Variants in ADCYAP1R1 observed in about 807,000 individuals in gnomAD.
The protein encoded by ADCYAP1R1 is pituitary adenylate cyclase-activating polypeptide type I receptor.
A neutral mutation model predicts 67.6 loss-of-function variants in ADCYAP1R1; 44 were observed. That is an observed-to-expected ratio of 0.65 (90% CI 0.51 to 0.84). ADCYAP1R1 has a LOEUF of 0.84. ADCYAP1R1 is among the 40% of genes least tolerant of loss of function. The pLI is 0.00. For synonymous variants in ADCYAP1R1, 222 were observed against 219.6 expected (o/e 1.01, Z -0.10); for missense variants, 477 against 587.9 (o/e 0.81, Z 1.95).
chr7:31,075,034 C>T (rs1795149303), intron 3 of ADCYAP1R1, among the ~76,000 whole-genome samples: 2 of 152,208 alleles, frequency 1.3e-5, no homozygotes, highest in African/African-American at 4.8e-5. Flanking sequence ...ACTCAAGCGT[C>T]ACAGACCCCA....
chr7:31,063,173 A>C, intron 1 of ADCYAP1R1, 21 bp from the exon 2 acceptor site: 1 of 1,524,950 alleles, frequency 6.6e-7, no homozygotes, highest in Non-Finnish European at 9.1e-7. Flanking sequence ...CACAGGATTC[A>C]CACCTTTCCT....
At chr7:31,073,908 A>G (rs765806672) in intron 3 of ADCYAP1R1, among the ~76,000 whole-genome samples, 1 of 152,118 alleles carries the variant, frequency 6.6e-6, no homozygotes, top group African/African-American at 2.4e-5. Context: ...AATTGTCTTT[A>G]GGACTCTAGA....
chr7:31,059,483 A>G (rs1386362319), intron 1 of ADCYAP1R1, among the ~76,000 whole-genome samples: 1 of 152,090 alleles, frequency 6.6e-6, no homozygotes, highest in African/African-American at 2.4e-5. Flanking sequence ...GGAGTGACCC[A>G]TTTTCCCATC....
intron 1 of ADCYAP1R1, among the ~76,000 whole-genome samples, chr7:31,056,271 C>T (rs1794237014): frequency 1.3e-5 from 2 of 152,114 alleles, no homozygotes; most frequent in African/African-American, 4.8e-5. Context: ...TTGAGTTGGC[C>T]TTGGAGGATG....
chr7:31,053,011 G>A (rs1353511834), intron 1 of ADCYAP1R1, among the ~76,000 whole-genome samples: 1 of 152,232 alleles, frequency 6.6e-6, no homozygotes, highest in Non-Finnish European at 1.5e-5. Context: ...ATGCGGAGAA[G>A]GGAGACCAGG....
intron 13 of ADCYAP1R1, chr7:31,095,739 A>G (rs1448161944): frequency 1.4e-6 from 1 of 717,634 alleles, no homozygotes. Context: ...ACCAGCATTC[A>G]CTCCCTTTCC....
At chr7:31,053,850 GC>G (rs1278902366) in intron 1 of ADCYAP1R1, among the ~76,000 whole-genome samples, 1 of 152,170 alleles carries the variant, frequency 6.6e-6, no homozygotes, top group East Asian at 1.9e-4. Flanking sequence ...TGGGACTGCA[GC>G]TGGCCAGAGG....
At chr7:31,084,391 A>T in intron 7 of ADCYAP1R1, 141 bp downstream of exon 7, 1 of 683,582 alleles carries the variant, frequency 1.5e-6, no homozygotes, top group Non-Finnish European at 2.6e-6. Flanking sequence ...GCACCTGGCT[A>T]CTCTTACAGG....
At chr7:31,067,354 C>T (rs144945236) in intron 3 of ADCYAP1R1, among the ~76,000 whole-genome samples, 1 of 152,020 alleles carries the variant, frequency 6.6e-6, no homozygotes, top group African/African-American at 2.4e-5. Flanking sequence ...GAGTAAAGGC[C>T]CAGTTGGACC....
chr7:31,087,004 G>A lies in ADCYAP1R1; in HGVS notation c.884+1G>A, dbSNP rs1286261082. 6.2e-7 allele frequency: 1 copy of A among 1,614,082 alleles called. No homozygotes were observed. The highest frequency in any genetic ancestry group is 8.5e-7 in the Non-Finnish European group (1 of 1,180,038). ...TGAGACTCTACTTTGATGACACAGG[G>A]TTAGTACATGCGCGAGAGTCAGGGC... On this transcript the variant is annotated splice_donor_variant, in intron 11 of 15. Transcript: ENST00000304166. LOFTEE classifies it high-confidence loss of function.
intron 13 of ADCYAP1R1, among the ~76,000 whole-genome samples, chr7:31,094,953 A>C (rs527651474): frequency 2.0e-5 from 3 of 152,244 alleles, no homozygotes; most frequent in Admixed American, 2.0e-4. Context: ...CATGATTAAA[A>C]ACTCAGATGG....
chr7:31,081,036 G>T (rs1360907650), intron 5 of ADCYAP1R1, among the ~76,000 whole-genome samples: 1 of 152,226 alleles, frequency 6.6e-6, no homozygotes, highest in Non-Finnish European at 1.5e-5. Context: ...GTGAGCAAGA[G>T]AACAGAAGAG....
chr7:31,055,094 G>A (rs547346800), intron 1 of ADCYAP1R1, among the ~76,000 whole-genome samples: 1 of 152,278 alleles, frequency 6.6e-6, no homozygotes, highest in Admixed American at 6.5e-5. Context: ...CACCCCCACA[G>A]TGACACACAG....
intron 13 of ADCYAP1R1, among the ~76,000 whole-genome samples, chr7:31,094,393 G>C (rs945323781): frequency 6.6e-6 from 1 of 152,014 alleles, no homozygotes; most frequent in African/African-American, 2.4e-5. Flanking sequence ...CACTGCCCTT[G>C]TGTCTGGCCT....
rs1017488979 is a variant in ADCYAP1R1, at chr7:31,084,961, C to T, written c.536+127C>T. On this transcript the variant is annotated intron_variant, in intron 8 of 15. Coordinates refer to ENST00000304166, the MANE Select transcript of ADCYAP1R1 (RefSeq NM_001118.5). ...CCCCTTTGAAGGCATTTCTCCCACC[C>T]CAAGGATAACAGATGGGAAACTTCA... The T allele has an allele frequency of 5.4e-6, 5 of 922,662 alleles. No homozygotes were observed. The African/African-American group carries it at 8.1e-5, about 15-fold the overall frequency. 57.2% of individuals were successfully genotyped at this position (922,662 alleles called of 1,614,324 possible).
rs138233303 is a variant in ADCYAP1R1 at position 31,084,761 on chromosome 7, G to T, written c.463G>T (p.Ala155Ser). The part of the protein sequence containing the change: ...DQDYYYLSVK[A>S]LYTVGYSTSL... ...GGATTATTACTACCTGTCAGTGAAG[G>T]CCCTCTACACGGTTGGCTACAGCAC... Residue 155 changes from alanine (A) to serine (S), a missense_variant, in exon 8 of 16, where the codon GCC (alanine) becomes TCC (serine). Ala to Ser is a moderately conservative substitution (Grantham distance 99). Coordinates refer to ENST00000304166, the MANE Select transcript of ADCYAP1R1 (RefSeq NM_001118.5). 1.2e-3 allele frequency: 1,925 copies of T among 1,614,056 alleles called. 2 individuals are homozygous for T. Among genetic ancestry groups the T allele is most frequent in the Admixed American group, 1.6e-3 (99 of 60,020 alleles).
At chr7:31,071,446 G>C in intron 3 of ADCYAP1R1, among the ~76,000 whole-genome samples, 1 of 152,158 alleles carries the variant, frequency 6.6e-6, no homozygotes, top group Non-Finnish European at 1.5e-5. Flanking sequence ...GAGGCTTGGA[G>C]TGTTGTCAGG....
chr7:31,104,405 C>T (rs988860523), intron 14 of ADCYAP1R1, among the ~76,000 whole-genome samples: 1 of 152,230 alleles, frequency 6.6e-6, no homozygotes, highest in Non-Finnish European at 1.5e-5. Flanking sequence ...GCGTGGTGTT[C>T]TGCATTGCTG....
At chr7:31,057,687 C>G (rs2128612964) in intron 1 of ADCYAP1R1, among the ~76,000 whole-genome samples, 1 of 152,356 alleles carries the variant, frequency 6.6e-6, no homozygotes, top group African/African-American at 2.4e-5. Context: ...TTCCCTGCAG[C>G]AGCTTCTGTC....
Sources: allele counts gnomAD v4.1 joint callset (sites outside exome capture counted in the v4.1 genomes callset), GRCh38; gene constraint gnomAD v4.1.1; transcripts MANE v1.5; gene names NCBI Gene and HGNC (gene_info 2026-07-23, HGNC 2026-07-21).